The following SPTBN2 variants were observed in gnomAD, a reference collection of about 807,000 sequenced individuals.
SPTBN2 encodes the protein spectrin beta chain, non-erythrocytic 2.
A neutral mutation model predicts 284.2 loss-of-function variants in SPTBN2; 107 were observed. The ratio of observed to expected loss-of-function variants is 0.38; its 90% confidence interval spans 0.32 to 0.44. SPTBN2 has a LOEUF of 0.44. Ranked by LOEUF, SPTBN2 falls within the 20% of genes least tolerant of loss-of-function variation. The pLI, the probability that SPTBN2 is intolerant of heterozygous loss-of-function variation, is 1.00. For missense variants in SPTBN2, 2,569 were observed against 3,287.1 expected, an observed-to-expected ratio of 0.78 and a Z score of 5.34; for synonymous variants, 1,289 against 1,354.8, an observed-to-expected ratio of 0.95 and a Z score of 1.07.
rs1240480968 is a variant in SPTBN2 at position 66,708,012 on chromosome 11, C to T, written c.1350+129G>A. 2 of 1,510,666 alleles carry T rather than the reference C, an allele frequency of 1.3e-6. No individual in the cohort carries two copies. Among genetic ancestry groups the T allele is most frequent in the African/African-American group, 1.4e-5 (1 of 72,806 alleles). The allele number at this position is 1,510,666 out of a possible 1,614,324, so 93.6% of individuals were successfully genotyped here. ...ACCCTCTGGCCCCTGGCTCCCGGACCTCTAGGCCTTTTTACCCAGGTGACG... is the reference window on the plus strand; with the variant it reads ...ACCCTCTGGCCCCTGGCTCCCGGACTTCTAGGCCTTTTTACCCAGGTGACG... On this transcript the variant is annotated intron_variant, in intron 12 of 37. Transcript: ENST00000533211. The surrounding 1 kb of genome is among the most constrained non-coding windows in gnomAD (Gnocchi z 4.4).
At position 66,691,165 on chromosome 11, in the gene SPTBN2, C is replaced by A; in HGVS notation, c.5565+119G>T. On this transcript the variant is annotated intron_variant, in intron 27 of 37. Transcript: ENST00000533211. This position sits in a 1 kb window ranked among gnomAD's most constrained non-coding sequence, Gnocchi z 8.0. ...AATTTCCTCATCTCGAAATGGCCCT[C>A]GAAAGAGTGCCGTCCTCCCAGCATT... 1.4e-6 allele frequency: 2 copies of A among 1,388,134 alleles called. No individual in the cohort carries two copies. The highest frequency in any genetic ancestry group is 1.9e-6 in the Non-Finnish European group (2 of 1,048,652). The allele number at this position is 1,388,134 out of a possible 1,614,324, so 86.0% of individuals were successfully genotyped here.
chr11:66,723,204 TA>T lies in SPTBN2; in HGVS notation c.-113-1765del, dbSNP rs749851666. On this transcript the variant is annotated intron_variant, in intron 1 of 37. Coordinates refer to ENST00000533211, the MANE Select transcript of SPTBN2 (RefSeq NM_006946.4). ...TGAGGTTCAGAATATCTGCTGGGGA[TA>T]AAAAAAAAAAAACCTCTACTGTCCA... 4.0e-3 allele frequency among the ~76,000 whole-genome samples: 557 copies of T among 140,574 alleles called. 1 individual carries two copies. Among genetic ancestry groups the T allele is most frequent in the African/African-American group, 7.4e-3 (284 of 38,460 alleles). The allele number at this position is 140,574 out of a possible 152,430, so 92.2% of individuals were successfully genotyped here. A position where few individuals can be genotyped will look rare whatever the true frequency, so the allele number is the denominator to read the frequency against.
intron 1 of SPTBN2, among the ~76,000 whole-genome samples, chr11:66,735,945 G>A (rs563005682): frequency 1.4e-4 from 22 of 152,246 alleles, no homozygotes; most frequent in African/African-American, 4.3e-4. Flanking sequence ...AGTAAAGGTC[G>A]GAAAGGTGGC....
chr11:66,687,284 C>T lies in SPTBN2; in HGVS notation c.6723-117G>A, dbSNP rs533901831. On this transcript the variant is annotated intron_variant, in intron 35 of 37. Transcript: ENST00000533211. This position sits in a 1 kb window ranked among gnomAD's most constrained non-coding sequence, Gnocchi z 5.2. ...ATCTTTAGGCCACGGTCTTCACACC[C>T]TCTGGTCCTCCCCTGAGGCCCCGCT... is the stretch of plus-strand genomic sequence containing the variant. 1.1e-5 allele frequency: 17 copies of T among 1,559,112 alleles called. No individual in the cohort carries two copies. The African/African-American group carries it at 2.3e-4, about 21-fold the overall frequency.
In SPTBN2 at chr11:66,693,247, G is replaced by C; in HGVS notation, c.4793C>G (p.Ala1598Gly). ...LRAQQFYRDAAEAEAWMGEQE... is the reference protein window; with the variant it reads ...LRAQQFYRDAGEAEAWMGEQE... ...CTCGCCCATCCAGGCCTCCGCCTCG[G>C]CGGCATCGCGGTAGAACTGCTGGGC... is the stretch of plus-strand genomic sequence containing the variant. Residue 1598 changes from alanine (A) to glycine (G), a missense_variant, in exon 24 of 38, where the codon GCC becomes GGC. This residue lies in a region of SPTBN2 where 1,130 missense variants were observed against 1,317.3 expected (regional missense o/e 0.86). Coordinates refer to ENST00000533211, the MANE Select transcript of SPTBN2 (RefSeq NM_006946.4). This position sits in a 1 kb window ranked among gnomAD's most constrained non-coding sequence, Gnocchi z 5.7. 6.2e-7 allele frequency: 1 copy of C among 1,614,186 alleles called. No individual in the cohort carries two copies. Among genetic ancestry groups the C allele is most frequent in the Non-Finnish European group, 8.5e-7 (1 of 1,180,050 alleles).
At position 66,710,979 on chromosome 11, in the gene SPTBN2, T is replaced by C. The variant is rs1270300418; in HGVS notation, c.823A>G (p.Thr275Ala). 3 of 1,614,122 alleles carry C rather than the reference T, an allele frequency of 1.9e-6. No individual in the cohort carries two copies. Among genetic ancestry groups the C allele is most frequent in the East Asian group, 2.2e-5 (1 of 44,900 alleles). Reference protein sequence around the residue: ...DEKSIITYVATYYHYFSKMKA... With the variant: ...DEKSIITYVAAYYHYFSKMKA... Reference sequence around the variant, plus strand: ...ATCTTGGAGAAGTAATGGTAGTAAGTAGCCACATAGGTAATGATTGACTTC... The same window carrying C: ...ATCTTGGAGAAGTAATGGTAGTAAGCAGCCACATAGGTAATGATTGACTTC... Residue 275 changes from threonine (T) to alanine (A), a missense_variant, in exon 9 of 38, where the codon ACT (threonine) becomes GCT (alanine). This residue lies in a region of SPTBN2 where 304 missense variants were observed against 522.1 expected (regional missense o/e 0.58). Transcript: ENST00000533211. This position sits in a 1 kb window ranked among gnomAD's most constrained non-coding sequence, Gnocchi z 4.9.
chr11:66,685,746 T>C lies in SPTBN2; in HGVS notation c.*125A>G. On this transcript the variant is annotated 3_prime_UTR_variant, in exon 38 of 38. Coordinates refer to ENST00000533211, the MANE Select transcript of SPTBN2 (RefSeq NM_006946.4). The surrounding 1 kb of genome is among the most constrained non-coding windows in gnomAD (Gnocchi z 4.4). ...CGTCCCCAGTGACAGTTCCTGGTGA[T>C]GGGTTGACCTTGGCAACAGACCCTA... The C allele has an allele frequency of 3.5e-6, 3 of 863,644 alleles. No homozygotes were observed. In the Admixed American group the frequency reaches 5.7e-5, roughly 16 times the overall value. 53.5% of individuals were successfully genotyped at this position (863,644 alleles called of 1,614,324 possible). A position where few individuals can be genotyped will look rare whatever the true frequency, so the allele number is the denominator to read the frequency against.
rs866901681 is a variant in SPTBN2, at chr11:66,693,715, G to A, written c.4593+57C>T. On this transcript the variant is annotated intron_variant, in intron 23 of 37. Coordinates refer to ENST00000533211, the MANE Select transcript of SPTBN2 (RefSeq NM_006946.4). The surrounding 1 kb of genome is among the most constrained non-coding windows in gnomAD (Gnocchi z 5.7). Reference sequence around the variant, plus strand: ...GGGGCCTGGTCTTAAGAAAAAACACGTCCAAGTCTGGGCAGGCTCCTGGGA... The same window carrying A: ...GGGGCCTGGTCTTAAGAAAAAACACATCCAAGTCTGGGCAGGCTCCTGGGA... The A allele has an allele frequency of 1.2e-4, 186 of 1,530,026 alleles. 2 individuals are homozygous for A. The South Asian group carries it at 1.9e-3, about 16-fold the overall frequency. 94.8% of individuals were successfully genotyped at this position (1,530,026 alleles called of 1,614,324 possible).
rs144215906 is a variant in SPTBN2 at position 66,688,774 on chromosome 11, C to T, written c.6110G>A (p.Arg2037His). The T allele has an allele frequency of 1.5e-5, 25 of 1,613,172 alleles. No individual in the cohort carries two copies. Among genetic ancestry groups the T allele is most frequent in the East Asian group, 1.3e-4 (6 of 44,884 alleles). ...GACCGTGCAACCCAGCTCAGCGCTG[C>T]GCACCAGTGGCTCCTGGCTGCAGAG... Reference protein sequence around the residue: ...AWLCSQEPLVRSAELGCTVDE... With the variant: ...AWLCSQEPLVHSAELGCTVDE... The change falls in exon 31 of 38, where the codon CGC becomes CAC. Residue 2037 changes from arginine (R) to histidine (H), a missense_variant. Coordinates refer to ENST00000533211, the MANE Select transcript of SPTBN2 (RefSeq NM_006946.4).
intron 3 of SPTBN2, among the ~76,000 whole-genome samples, chr11:66,719,108 G>C (rs770191448): frequency 6.2e-4 from 94 of 152,386 alleles, no homozygotes; most frequent in South Asian, 1.4e-3. Flanking sequence ...AGGATGTGTG[G>C]GCTTTGAGCC....
intron 1 of SPTBN2, chr11:66,744,459 C>A: frequency 6.1e-6 from 1 of 164,890 alleles, no homozygotes; most frequent in Non-Finnish European, 1.3e-5. Context: ...CGGATTAGGG[C>A]CAAGGGCCGC....
At chr11:66,711,781 AGCTTT>A (rs1274402243) in intron 8 of SPTBN2, among the ~76,000 whole-genome samples, 1 of 152,250 alleles carries the variant, frequency 6.6e-6, no homozygotes, top group Admixed American at 6.5e-5. Context: ...CAGAATGCTT[AGCTTT>A]ATTTCCAGGT....
At chr11:66,698,806 G>C in intron 19 of SPTBN2, 21 bp from the exon 20 acceptor site, 3 of 1,612,638 alleles carry the variant, frequency 1.9e-6, no homozygotes, top group East Asian at 4.5e-5. Flanking sequence ...CATAAAACAG[G>C]GACATTTCCA....
intron 36 of SPTBN2, 34 bp downstream of exon 36, chr11:66,686,960 C>G (rs1411552456): frequency 6.2e-7 from 1 of 1,612,870 alleles, no homozygotes; most frequent in Admixed American, 1.7e-5. Flanking sequence ...CCCAACTCTC[C>G]TCCCATCCCG....
At chr11:66,730,258 G>A (rs1180492200), upstream of SPTBN2, among the ~76,000 whole-genome samples, 1 of 152,090 alleles carries the variant, frequency 6.6e-6, no homozygotes, top group Non-Finnish European at 1.5e-5. Flanking sequence ...AGGGACACTT[G>A]GTCAGGGACA....
rs750404119 is a variant in SPTBN2 at position 66,693,361 on chromosome 11, CCTG to C, written c.4676_4678del (p.Ala1559del). The C allele has an allele frequency of 1.2e-6, 2 of 1,605,906 alleles. No individual in the cohort carries two copies. ...TTCCTGCAGCTCAGCCAGCTCTGGA[CCTG>C]CTGCTGCTGCACCTAGAGCACGCTG... On this transcript the variant is annotated inframe_deletion, in exon 24 of 38. Transcript: ENST00000533211. The surrounding 1 kb of genome is among the most constrained non-coding windows in gnomAD (Gnocchi z 5.7).
At position 66,693,338 on chromosome 11, in the gene SPTBN2, C is replaced by T. The variant is rs769450868; in HGVS notation, c.4702G>A (p.Glu1568Lys). 3.7e-6 allele frequency: 6 copies of T among 1,609,946 alleles called. No individual in the cohort carries two copies. The East Asian group carries it at 1.1e-4, about 30-fold the overall frequency. ...TCGTGGCCCAGGCGTTTCCACATTT[C>T]CTGCAGCTCAGCCAGCTCTGGACCT... ...AAGPELAELQ[E>K]MWKRLGHELE... The change falls in exon 24 of 38, where the codon GAA becomes AAA. Residue 1568 changes from glutamate to lysine, a missense_variant. By Grantham distance (56) the Glu-to-Lys change is moderately conservative (BLOSUM62 1). Coordinates refer to ENST00000533211, the MANE Select transcript of SPTBN2 (RefSeq NM_006946.4). The surrounding 1 kb of genome is among the most constrained non-coding windows in gnomAD (Gnocchi z 5.7).
Position 66,700,812 on chromosome 11 carries a change from G to A in SPTBN2, c.3287C>T (p.Thr1096Ile), listed in dbSNP as rs866200870. Residue 1096 changes from threonine (T) to isoleucine (I), a missense_variant, in exon 17 of 38, where the codon ACC becomes ATC. This residue lies in a region of SPTBN2 where 1,012 missense variants were observed against 1,248.9 expected (regional missense o/e 0.81). Transcript: ENST00000533211. The surrounding 1 kb of genome is among the most constrained non-coding windows in gnomAD (Gnocchi z 6.6). The part of the protein sequence containing the change: ...TAVASEEGPA[T>I]LPEAEALLAQ... The stretch of plus-strand genomic sequence containing the variant: ...CAGGAGGGCCTCTGCCTCAGGCAGG[G>A]TGGCCGGCCCTTCTTCAGAGGCCAC... 19 of 1,600,664 alleles carry A rather than the reference G, an allele frequency of 1.2e-5. No homozygotes were observed. Among genetic ancestry groups the A allele is most frequent in the Non-Finnish European group, 1.6e-5 (19 of 1,179,768 alleles).
At chr11:66,709,283 A>G (rs1247663204) in intron 10 of SPTBN2, among the ~76,000 whole-genome samples, 1 of 152,024 alleles carries the variant, frequency 6.6e-6, no homozygotes, top group Non-Finnish European at 1.5e-5. Flanking sequence ...GTTCAAGCCA[A>G]TCTCTTGCCT....
Sources: gnomAD v4.1 joint callset for allele counts (sites outside exome capture counted in the v4.1 genomes callset) on GRCh38, gnomAD v4.1.1 for gene constraint, gnomAD v4.1.1 regional missense constraint, Gnocchi (gnomAD v3.1) non-coding constraint, MANE v1.5 for transcripts, NCBI Gene and HGNC (gene_info 2026-07-23, HGNC 2026-07-21) for gene names.